DCUN1D2: variants seen among roughly 807,000 people sequenced by gnomAD.
DCUN1D2 encodes DCN1-like protein 2.
A neutral mutation model predicts 30.9 loss-of-function variants in DCUN1D2; 29 were observed. The ratio of observed to expected loss-of-function variants is 0.94; its 90% CI spans 0.70 to 1.28. The LOEUF is 1.28. DCUN1D2 is among the 50% of genes most tolerant of loss of function. DCUN1D2 has a pLI of 0.00. For synonymous variants in DCUN1D2, 121 were observed against 115.3 expected, an observed-to-expected ratio of 1.05 and a Z score of -0.32; for missense variants, 325 against 316.9, an observed-to-expected ratio of 1.03 and a Z score of -0.19.
At chr13:113,463,751 C>T (rs1002818214) in intron 4 of DCUN1D2, among the ~76,000 whole-genome samples, 3 of 151,342 alleles carry the variant, frequency 2.0e-5, no homozygotes, top group Non-Finnish European at 4.4e-5. Context: ...CACACAGATA[C>T]CCACAAAGAG....
intron 5 of DCUN1D2, among the ~76,000 whole-genome samples, chr13:113,460,683 C>G (rs1405365804): frequency 1.3e-5 from 2 of 152,262 alleles, no homozygotes; most frequent in Non-Finnish European, 2.9e-5. Context: ...AAGTGTGGCG[C>G]TGGCACCATG....
chr13:113,484,744 T>C (rs1008946949), intron 1 of DCUN1D2, among the ~76,000 whole-genome samples: 11 of 152,168 alleles, frequency 7.2e-5, no homozygotes, highest in African/African-American at 2.4e-4. Context: ...ATATATAGTA[T>C]ATAATGAAAC....
chr13:113,467,011 T>C (rs914548260), intron 4 of DCUN1D2, among the ~76,000 whole-genome samples: 1 of 152,154 alleles, frequency 6.6e-6, no homozygotes, highest in East Asian at 1.9e-4. Flanking sequence ...GGTTTCACCA[T>C]GTTGGCCAGG....
At chr13:113,458,148 C>T (rs371921680) in intron 6 of DCUN1D2, 40 bp from the exon 7 acceptor site, 303 of 1,535,182 alleles carry the variant, frequency 2.0e-4, no homozygotes, top group Non-Finnish European at 2.5e-4. Flanking sequence ...GTTAGAGCAC[C>T]GTTTTTATCT....
chr13:113,458,203 A>G, intron 6 of DCUN1D2, 95 bp from the exon 7 acceptor site: 1 of 1,048,898 alleles, frequency 9.5e-7, no homozygotes, highest in Non-Finnish European at 1.5e-6. Flanking sequence ...ACACTTCAAG[A>G]ACCCAAATGA....
intron 2 of DCUN1D2, among the ~76,000 whole-genome samples, chr13:113,482,075 GC>G (rs2044720686): frequency 6.6e-6 from 1 of 152,106 alleles, no homozygotes. Context: ...AATGCTCTGA[GC>G]TAATAAACCA....
intron 4 of DCUN1D2, among the ~76,000 whole-genome samples, chr13:113,464,027 CTCT>C (rs2044362313): frequency 6.6e-6 from 1 of 152,186 alleles, no homozygotes; most frequent in East Asian, 1.9e-4. Flanking sequence ...CATAAAATTA[CTCT>C]TCTTGCTTTA....
intron 4 of DCUN1D2, among the ~76,000 whole-genome samples, chr13:113,469,378 C>G (rs974334353): frequency 6.6e-6 from 1 of 152,178 alleles, no homozygotes; most frequent in Non-Finnish European, 1.5e-5. Context: ...ACCAACAGAA[C>G]AGATCAAAAG....
chr13:113,485,568 C>T (rs936558255), intron 1 of DCUN1D2, among the ~76,000 whole-genome samples: 3 of 152,184 alleles, frequency 2.0e-5, no homozygotes, highest in East Asian at 1.9e-4. Context: ...ACGTCTTCTG[C>T]GGCTCCTCAC....
intron 1 of DCUN1D2, among the ~76,000 whole-genome samples, chr13:113,486,223 A>G (rs1217453876): frequency 2.0e-5 from 3 of 152,086 alleles, no homozygotes; most frequent in Admixed American, 6.5e-5. Context: ...GCTGGAGGCC[A>G]TTTTCCTAAG....
intron 4 of DCUN1D2, 85 bp from the exon 5 acceptor site, chr13:113,461,221 T>C: frequency 1.2e-6 from 1 of 813,960 alleles, no homozygotes; most frequent in Non-Finnish European, 2.0e-6. Context: ...AGCATGTCAA[T>C]ATTTACTTAA....
In DCUN1D2 at chr13:113,490,679, G is replaced by A. The variant is rs150680002; in HGVS notation, c.-10C>T. On this transcript the variant is annotated 5_prime_UTR_variant, in exon 1 of 7. Transcript: ENST00000478244. This position sits in a 1 kb window ranked among gnomAD's most constrained non-coding sequence, Gnocchi z 5.2. ...CCGGGCCACCTACCATCTCCCCCGC[G>A]CCGCCCGCTTCTGGCCGGCCCCGGC... is the stretch of plus-strand genomic sequence containing the variant. 6 of 1,243,754 alleles carry A rather than the reference G, an allele frequency of 4.8e-6. No homozygotes were observed. Among genetic ancestry groups the A allele is most frequent in the African/African-American group, 1.6e-5 (1 of 63,250 alleles). The allele number at this position is 1,243,754 out of a possible 1,614,324, so 77.0% of individuals were successfully genotyped here.
intron 3 of DCUN1D2, among the ~76,000 whole-genome samples, chr13:113,477,394 A>G (rs2044635613): frequency 1.3e-5 from 2 of 148,782 alleles, no homozygotes; most frequent in African/African-American, 5.2e-5. Context: ...ATACCGAAAG[A>G]TGACGTAGAT....
intron 4 of DCUN1D2, among the ~76,000 whole-genome samples, chr13:113,461,838 C>A (rs866282505): frequency 1.2e-4 from 19 of 152,194 alleles, no homozygotes; most frequent in African/African-American, 4.6e-4. Flanking sequence ...AGTTTCAGGG[C>A]TGTCTCCAAT....
At chr13:113,461,449 T>C (rs1320459335) in intron 4 of DCUN1D2, among the ~76,000 whole-genome samples, 1 of 152,256 alleles carries the variant, frequency 6.6e-6, no homozygotes, top group East Asian at 1.9e-4. Context: ...CCTGACCTGA[T>C]CTGGATACTA....
At chr13:113,465,485 GA>G (rs1230890777) in intron 4 of DCUN1D2, among the ~76,000 whole-genome samples, 1 of 150,020 alleles carries the variant, frequency 6.7e-6, no homozygotes, top group African/African-American at 2.5e-5. Flanking sequence ...CTGGGGTGAG[GA>G]AACAGAGAGA....
chr13:113,490,490 C>A lies in DCUN1D2; in HGVS notation c.3+177G>T. 1 of 670,876 alleles carries A rather than the reference C, an allele frequency of 1.5e-6. No homozygotes were observed. Among genetic ancestry groups the A allele is most frequent in the Non-Finnish European group, 2.1e-6 (1 of 475,992 alleles). 41.6% of individuals were successfully genotyped at this position (670,876 alleles called of 1,614,324 possible). A position where few individuals can be genotyped will look rare whatever the true frequency, so the allele number is the denominator to read the frequency against. On this transcript the variant is annotated intron_variant, in intron 1 of 6. Coordinates refer to ENST00000478244, the MANE Select transcript of DCUN1D2 (RefSeq NM_001014283.2). This position sits in a 1 kb window ranked among gnomAD's most constrained non-coding sequence, Gnocchi z 5.2. Reference sequence around the variant, plus strand: ...CCGCGCTCCCCGCGGTCCCGCGCCTCCGACGCCACCGCTCCGGCTCGCGGG... The same window carrying A: ...CCGCGCTCCCCGCGGTCCCGCGCCTACGACGCCACCGCTCCGGCTCGCGGG...
intron 3 of DCUN1D2, among the ~76,000 whole-genome samples, chr13:113,480,160 T>C (rs539514465): frequency 6.6e-6 from 1 of 152,288 alleles, no homozygotes; most frequent in East Asian, 1.9e-4. Flanking sequence ...CCCAATCCTG[T>C]AGGTAGAATA....
chr13:113,484,944 G>C (rs977735231), intron 1 of DCUN1D2, among the ~76,000 whole-genome samples: 2 of 152,088 alleles, frequency 1.3e-5, no homozygotes, highest in African/African-American at 4.8e-5. Flanking sequence ...TGGGTGTGGT[G>C]GCATGCGCCT....
Sources: allele counts gnomAD v4.1 joint callset (sites outside exome capture counted in the v4.1 genomes callset), GRCh38; gene constraint gnomAD v4.1.1; non-coding constraint Gnocchi (gnomAD v3.1); transcripts MANE v1.5; gene names NCBI Gene and HGNC (gene_info 2026-07-23, HGNC 2026-07-21).